The following CNKSR3 variants were observed in gnomAD, a reference collection of about 807,000 sequenced individuals.
CNKSR3 encodes the protein CNKSR family member 3.
CNKSR3 carries 36 observed loss-of-function variants against 67.7 expected under a neutral mutation model. The observed-to-expected ratio is 0.53, with a 90% CI of 0.41 to 0.70. CNKSR3 has a LOEUF of 0.70. Ranked by LOEUF, CNKSR3 falls within the 30% of genes least tolerant of loss-of-function variation. The pLI, the probability that CNKSR3 is intolerant of heterozygous loss-of-function variation, is 0.00. For synonymous variants in CNKSR3, 281 were observed against 271.4 expected (o/e 1.04, Z -0.35); for missense variants, 630 against 695.2 (o/e 0.91, Z 1.05).
At chr6:154,508,921 C>T (rs1207031646) in intron 1 of CNKSR3, among the ~76,000 whole-genome samples, 1 of 152,124 alleles carries the variant, frequency 6.6e-6, no homozygotes, top group Non-Finnish European at 1.5e-5. Flanking sequence ...TATGCTGCAG[C>T]CATGGGTGGG....
intron 1 of CNKSR3, among the ~76,000 whole-genome samples, chr6:154,460,871 C>T (rs1046834118): frequency 2.0e-5 from 3 of 152,104 alleles, no homozygotes; most frequent in African/African-American, 7.2e-5. Context: ...ATGCAGTGGC[C>T]GCGACAGCTG....
Position 154,394,592 on chromosome 6 carries a change from A to G in CNKSR3, c.*11762T>C, listed in dbSNP as rs1784639143. ...CTGAGATTTGGGGGTTGTTTGTTAT[A>G]GCATGAGCCTAATACAAGAAGTAAA... On this transcript the variant is annotated 3_prime_UTR_variant, in exon 13 of 13. Transcript: ENST00000607772. 2.0e-5 allele frequency: 3 copies of G among 148,994 alleles called. No individual in the cohort carries two copies. The highest frequency in any genetic ancestry group is 1.3e-4 in the Admixed American group (2 of 14,854). The allele number at this position is 148,994 out of a possible 1,614,324, so 9.2% of individuals were successfully genotyped here.
intron 1 of CNKSR3, among the ~76,000 whole-genome samples, chr6:154,498,534 C>A (rs1479768035): frequency 1.3e-5 from 2 of 152,184 alleles, no homozygotes; most frequent in African/African-American, 4.8e-5. Context: ...CAGTCTCCAC[C>A]ACTCCCTACT....
chr6:154,429,780 T>C (rs1293673592), intron 6 of CNKSR3, among the ~76,000 whole-genome samples: 2 of 152,132 alleles, frequency 1.3e-5, no homozygotes, highest in Non-Finnish European at 2.9e-5. Flanking sequence ...GCCACATTAA[T>C]GCACACGTAC....
intron 1 of CNKSR3, among the ~76,000 whole-genome samples, chr6:154,472,636 C>T (rs1190529442): frequency 6.6e-6 from 1 of 152,108 alleles, no homozygotes; most frequent in African/African-American, 2.4e-5. Flanking sequence ...TGTTTTGGTC[C>T]ACATCATGCC....
rs1054550 is a variant in CNKSR3 at position 154,411,020 on chromosome 6, G to C, written c.1193C>G (p.Thr398Ser). 1.2e-6 allele frequency: 2 copies of C among 1,614,030 alleles called. No individual in the cohort carries two copies. Among genetic ancestry groups the C allele is most frequent in the Non-Finnish European group, 1.7e-6 (2 of 1,180,014 alleles). The change falls in exon 11 of 13, where the codon ACC becomes AGC. Residue 398 changes from threonine (T) to serine (S), a missense_variant. By Grantham distance (58) the Thr-to-Ser change is moderately conservative. Transcript: ENST00000607772. Reference sequence around the variant, plus strand: ...AGGCAACTGATCCGAGTCTGCAATGGTGAATCTTCGTCTCCGGCTTTCCTG... The same window carrying C: ...AGGCAACTGATCCGAGTCTGCAATGCTGAATCTTCGTCTCCGGCTTTCCTG... ...LDQESRRRRF[T>S]IADSDQLPGY... is the part of the protein sequence containing the mutation.
intron 1 of CNKSR3, among the ~76,000 whole-genome samples, chr6:154,462,185 A>C (rs1354911108): frequency 6.6e-6 from 1 of 152,156 alleles, no homozygotes; most frequent in Admixed American, 6.5e-5. Flanking sequence ...CAATTTTAGA[A>C]TTTTTAACAC....
chr6:154,463,884 A>G (rs1786136985), intron 1 of CNKSR3, among the ~76,000 whole-genome samples: 1 of 152,060 alleles, frequency 6.6e-6, no homozygotes, highest in African/African-American at 2.4e-5. Flanking sequence ...ATGATTCTGT[A>G]CTTCTTAAGG....
chr6:154,442,578 C>T (rs890708293), intron 2 of CNKSR3, among the ~76,000 whole-genome samples: 3 of 152,188 alleles, frequency 2.0e-5, no homozygotes, highest in East Asian at 1.9e-4. Flanking sequence ...GCCGAGATGG[C>T]GCCACTGCAC....
At chr6:154,495,161 A>G (rs1362727000) in intron 1 of CNKSR3, among the ~76,000 whole-genome samples, 1 of 152,148 alleles carries the variant, frequency 6.6e-6, no homozygotes, top group Non-Finnish European at 1.5e-5. Flanking sequence ...TTTGCACCTC[A>G]TTACAACATG....
At position 154,442,415 on chromosome 6, in the gene CNKSR3, G is replaced by A. The variant is rs1303790936; in HGVS notation, c.217-125C>T. The A allele has an allele frequency of 2.3e-5, 17 of 725,608 alleles. No individual in the cohort carries two copies. In the East Asian group the frequency reaches 3.8e-4, roughly 16 times the overall value. The allele number at this position is 725,608 out of a possible 1,614,324, so 44.9% of individuals were successfully genotyped here. A position where few individuals can be genotyped will look rare whatever the true frequency, so the allele number is the denominator to read the frequency against. On this transcript the variant is annotated intron_variant, in intron 2 of 12. Coordinates refer to ENST00000607772, the MANE Select transcript of CNKSR3 (RefSeq NM_173515.4). ...AAGTGGGCGGATCACGAGGTCAGGA[G>A]ATCGAGGCCATCCTGGCTAACACGG... is the stretch of plus-strand genomic sequence containing the variant.
intron 1 of CNKSR3, among the ~76,000 whole-genome samples, chr6:154,464,767 T>A (rs1360186607): frequency 6.6e-6 from 1 of 150,828 alleles, no homozygotes; most frequent in Non-Finnish European, 1.5e-5. Context: ...AAGGCCTTAG[T>A]GAGCCATAAA....
intron 1 of CNKSR3, among the ~76,000 whole-genome samples, chr6:154,461,495 T>G (rs999165079): frequency 6.6e-6 from 1 of 152,222 alleles, no homozygotes; most frequent in African/African-American, 2.4e-5. Context: ...AGAAACAGTA[T>G]GGCCTGTGGA....
chr6:154,476,581 A>G (rs1786457170), intron 1 of CNKSR3, among the ~76,000 whole-genome samples: 2 of 152,130 alleles, frequency 1.3e-5, no homozygotes, highest in African/African-American at 2.4e-5. Flanking sequence ...CCAAAAGAGG[A>G]GCCAGTGTGT....
rs758711856 is a variant in CNKSR3 at position 154,414,377 on chromosome 6, T to A, written c.992A>T (p.Asp331Val). 4.3e-6 allele frequency: 7 copies of A among 1,610,358 alleles called. No individual in the cohort carries two copies. Among genetic ancestry groups the A allele is most frequent in the South Asian group, 1.1e-5 (1 of 90,330 alleles). ...TGACTTCTCCTTCTTCAGTGAGGTA[T>A]CCATAGTGCTTTCAGGGGACTGGGT... ...ATTQSPESTM[D>V]TSLKKEKSAI... The change falls in exon 10 of 13, where the codon GAT becomes GTT. Residue 331 changes from aspartate (D) to valine (V), a missense_variant. By Grantham distance (152) the Asp-to-Val change is radical. Coordinates refer to ENST00000607772, the MANE Select transcript of CNKSR3 (RefSeq NM_173515.4).
chr6:154,442,473 T>A (rs1164069957), intron 2 of CNKSR3, among the ~76,000 whole-genome samples, 183 bp from the exon 3 acceptor site: 2 of 151,956 alleles, frequency 1.3e-5, no homozygotes, highest in African/African-American at 2.4e-5. Context: ...ACACAAAAAA[T>A]TAGCCGGGCG....
chr6:154,430,894 C>A (rs1785353321), intron 5 of CNKSR3, among the ~76,000 whole-genome samples: 1 of 151,944 alleles, frequency 6.6e-6, no homozygotes, highest in African/African-American at 2.4e-5. Flanking sequence ...TCTCCCCAAC[C>A]ACCTACCTGA....
Position 154,442,546 on chromosome 6 carries a change from C to T in CNKSR3, c.217-256G>A, listed in dbSNP as rs1015625052. On this transcript the variant is annotated intron_variant, in intron 2 of 12. Transcript: ENST00000607772. The stretch of plus-strand genomic sequence containing the variant: ...CTGAGGCAGGAGAATGGCGTGAACC[C>T]GGGAGGCAGAGCTTGCAGTGAGCCG... 2.0e-5 allele frequency among the ~76,000 whole-genome samples: 3 copies of T among 152,078 alleles called. No individual in the cohort carries two copies. The South Asian group carries it at 6.2e-4, about 32-fold the overall frequency.
At position 154,411,052 on chromosome 6, in the gene CNKSR3, G is replaced by A; in HGVS notation, c.1161C>T (p.Phe387=). The A allele has an allele frequency of 6.2e-7, 1 of 1,614,104 alleles. No individual in the cohort carries two copies. Among genetic ancestry groups the A allele is most frequent in the Non-Finnish European group, 8.5e-7 (1 of 1,179,988 alleles). Reference sequence around the variant, plus strand: ...TTCGTCTCCGGCTTTCCTGGTCCAAGAAGGAATTCGGGGACTCTGAACCCT... The same window carrying A: ...TTCGTCTCCGGCTTTCCTGGTCCAAAAAGGAATTCGGGGACTCTGAACCCT... ...GPKGSESPNS[F]LDQESRRRRF... The change falls in exon 11 of 13, where the codon TTC becomes TTT. Residue 387 remains phenylalanine (F), a synonymous_variant. Coordinates refer to ENST00000607772, the MANE Select transcript of CNKSR3 (RefSeq NM_173515.4).
Sources: gnomAD v4.1 joint callset for allele counts (sites outside exome capture counted in the v4.1 genomes callset) on GRCh38, gnomAD v4.1.1 for gene constraint, MANE v1.5 for transcripts, NCBI Gene and HGNC (gene_info 2026-07-23, HGNC 2026-07-21) for gene names.